SNED1: variants seen among roughly 807,000 people sequenced by gnomAD.
The protein encoded by SNED1 is sushi, nidogen and EGF-like domain-containing protein 1.
A neutral mutation model predicts 166.7 loss-of-function variants in SNED1; 81 were observed. That is an observed-to-expected ratio of 0.49 (90% CI 0.41 to 0.58). The LOEUF (loss-of-function observed/expected upper bound fraction) is 0.58, where lower values mean the gene tolerates loss of function less well. Among genes scored for constraint, SNED1 ranks in the 20% least tolerant of loss-of-function variants. The pLI, the probability that SNED1 is intolerant of heterozygous loss-of-function variation, is 0.00. For missense variants in SNED1, 1,604 were observed against 2,000.2 expected (o/e 0.80, Z 3.78); for synonymous variants, 762 against 822.0 (o/e 0.93, Z 1.25).
intron 28 of SNED1, among the ~76,000 whole-genome samples, chr2:241,082,022 C>T (rs979969980): frequency 1.3e-5 from 2 of 152,214 alleles, no homozygotes; most frequent in Admixed American, 6.5e-5. Flanking sequence ...CCACAGCATG[C>T]GAGGCACAGC....
In SNED1 at chr2:241,075,766, C is replaced by T. The variant is rs2062989894; in HGVS notation, c.3916+2402C>T. 6.6e-6 allele frequency: 1 copy of T among 152,082 alleles called. No individual in the cohort carries two copies. The highest frequency in any genetic ancestry group is 6.6e-5 in the Admixed American group (1 of 15,262). 9.4% of individuals were successfully genotyped at this position (152,082 alleles called of 1,614,324 possible). On this transcript the variant is annotated intron_variant, in intron 27 of 31. Transcript: ENST00000310397. This position sits in a 1 kb window ranked among gnomAD's most constrained non-coding sequence, Gnocchi z 4.8. The stretch of plus-strand genomic sequence containing the variant: ...GCCTTCTTTAAAAAATATCCTTCCC[C>T]ACACCAAAGTTAGAAAGTTATTCAT...
At chr2:241,048,264 C>G in intron 8 of SNED1, 51 bp from the exon 9 acceptor site, 1 of 1,529,366 alleles carries the variant, frequency 6.5e-7, no homozygotes, top group Non-Finnish European at 8.8e-7. Context: ...GGGGAGACCA[C>G]TCTCCCCACA....
chr2:241,038,215 C>T (rs2061430939), intron 6 of SNED1, among the ~76,000 whole-genome samples: 1 of 152,152 alleles, frequency 6.6e-6, no homozygotes, highest in African/African-American at 2.4e-5. Flanking sequence ...CAGTCGCTTA[C>T]AAAAACATGT....
chr2:241,055,634 C>T (rs1163217101), intron 16 of SNED1, among the ~76,000 whole-genome samples: 4 of 152,178 alleles, frequency 2.6e-5, no homozygotes, highest in African/African-American at 9.7e-5. Flanking sequence ...TTTCATCCTC[C>T]AGCCAAATTT....
intron 27 of SNED1, among the ~76,000 whole-genome samples, chr2:241,081,425 TCTTC>T (rs2063323966): frequency 6.6e-6 from 1 of 152,198 alleles, no homozygotes; most frequent in African/African-American, 2.4e-5. Context: ...TTTTTGTTTG[TCTTC>T]CTTCCTTCCA....
chr2:241,040,825 A>C (rs2061503199), intron 8 of SNED1: 1 of 473,388 alleles, frequency 2.1e-6, no homozygotes, highest in Non-Finnish European at 4.4e-6. Context: ...AGTAACGGGA[A>C]TCAGAAAGAA....
intron 16 of SNED1, among the ~76,000 whole-genome samples, chr2:241,057,411 A>G (rs866432730): frequency 4.0e-5 from 5 of 124,854 alleles, no homozygotes; most frequent in African/African-American, 1.7e-4. Flanking sequence ...ATATATATAT[A>G]TGCCATACGC....
chr2:241,014,071 C>G (rs1223842281), intron 1 of SNED1, among the ~76,000 whole-genome samples: 1 of 151,196 alleles, frequency 6.6e-6, no homozygotes, highest in Admixed American at 6.6e-5. Flanking sequence ...CGCAGTGGTG[C>G]GATCTCAGTT....
At chr2:241,085,141 T>C (rs1225607345) in intron 29 of SNED1, among the ~76,000 whole-genome samples, 2 of 152,218 alleles carry the variant, frequency 1.3e-5, no homozygotes, top group African/African-American at 2.4e-5. Context: ...CTTGTATTTC[T>C]GGGTTTTAAT....
chr2:241,032,907 C>T (rs1574935957), intron 2 of SNED1, among the ~76,000 whole-genome samples: 1 of 152,174 alleles, frequency 6.6e-6, no homozygotes, highest in Admixed American at 6.5e-5. Context: ...ATAATTTTAT[C>T]TGCTGTATGC....
intron 29 of SNED1, among the ~76,000 whole-genome samples, chr2:241,085,327 A>G (rs1034907198): frequency 4.6e-5 from 7 of 152,124 alleles, no homozygotes; most frequent in African/African-American, 1.4e-4. Flanking sequence ...TTCTATTGCT[A>G]TGCACTCAAG....
chr2:241,049,730 C>T, intron 11 of SNED1, 87 bp from the exon 12 acceptor site: 1 of 957,938 alleles, frequency 1.0e-6, no homozygotes, highest in Non-Finnish European at 1.6e-6. Context: ...TCAGGGTAAC[C>T]CTGGCAGGCA....
In SNED1 at chr2:241,068,759, T is replaced by C. The variant is rs1446155674; in HGVS notation, c.3195-152T>C. ...TAGGAGCACACGGCTCTGAGGGCCA[T>C]GAGTCTGCCCCTCGTGGAGGTTGCC... On this transcript the variant is annotated intron_variant, in intron 22 of 31. Coordinates refer to ENST00000310397, the MANE Select transcript of SNED1 (RefSeq NM_001080437.3). The surrounding 1 kb of genome is among the most constrained non-coding windows in gnomAD (Gnocchi z 5.3). Among the ~76,000 whole-genome samples, 1 of 152,110 alleles carries C rather than the reference T, an allele frequency of 6.6e-6. No homozygotes were observed. The highest frequency in any genetic ancestry group is 1.5e-5 in the Non-Finnish European group (1 of 67,998).
chr2:241,087,760 A>C lies in SNED1; in HGVS notation c.4205+285A>C, dbSNP rs2063660079. The C allele has an allele frequency of 3.3e-6, 4 of 1,197,440 alleles. No homozygotes were observed. In the African/African-American group the frequency reaches 6.2e-5, roughly 19 times the overall value. 74.2% of individuals were successfully genotyped at this position (1,197,440 alleles called of 1,614,324 possible). A position where few individuals can be genotyped will look rare whatever the true frequency, so the allele number is the denominator to read the frequency against. ...ACATGGTGCTACAATTGGGAAGCAC[A>C]GGGTGTTACGGACAGCCCCGAGTAT... is the stretch of plus-strand genomic sequence containing the variant. On this transcript the variant is annotated intron_variant, in intron 30 of 31. Coordinates refer to ENST00000310397, the MANE Select transcript of SNED1 (RefSeq NM_001080437.3).
rs536155955 is a variant in SNED1 at position 241,095,069 on chromosome 2, C to CA, written c.*3433_*3434insA. On this transcript the variant is annotated 3_prime_UTR_variant, in exon 32 of 32. Coordinates refer to ENST00000310397, the MANE Select transcript of SNED1 (RefSeq NM_001080437.3). ...TTCCCTAAGGTGACACGCCCCCCCCCCCCCCCACACCCACCTTGGGGGGTC... is the reference window on the plus strand; with the variant it reads ...TTCCCTAAGGTGACACGCCCCCCCCCACCCCCCACACCCACCTTGGGGGGTC... 1 of 143,590 alleles carries CA rather than the reference C, an allele frequency of 7.0e-6. No individual in the cohort carries two copies. The highest frequency in any genetic ancestry group is 2.5e-4 in the South Asian group (1 of 3,952). 8.9% of individuals were successfully genotyped at this position (143,590 alleles called of 1,614,324 possible).
chr2:241,063,419 G>T, intron 17 of SNED1, 168 bp from the exon 18 acceptor site: 1 of 632,626 alleles, frequency 1.6e-6, no homozygotes, highest in Admixed American at 2.3e-5. Flanking sequence ...CACGCCTCCC[G>T]AGGAGGGGTG....
rs765441686 is a variant in SNED1, at chr2:241,048,287, C to T, written c.1274-28C>T. 4.5e-6 allele frequency: 7 copies of T among 1,571,390 alleles called. No homozygotes were observed. In the South Asian group the frequency reaches 8.5e-5, roughly 19 times the overall value. The stretch of plus-strand genomic sequence containing the variant: ...CACTCTCCCCACATTCCCTGCGTGG[C>T]CGCTGGTGACTGCCGTCTTTCTTGC... On this transcript the variant is annotated intron_variant, in intron 8 of 31. Coordinates refer to ENST00000310397, the MANE Select transcript of SNED1 (RefSeq NM_001080437.3).
In SNED1 at chr2:241,069,063, T is replaced by A. The variant is rs758069414; in HGVS notation, c.3307+40T>A. ...GCGGCCCCCGGCACACGAAAGGCCG[T>A]CTTCTAGAAGCTCTGGCTTCCTTCC... On this transcript the variant is annotated intron_variant, in intron 23 of 31. Coordinates refer to ENST00000310397, the MANE Select transcript of SNED1 (RefSeq NM_001080437.3). The surrounding 1 kb of genome is among the most constrained non-coding windows in gnomAD (Gnocchi z 4.9). The A allele has an allele frequency of 7.2e-7, 1 of 1,388,598 alleles. No homozygotes were observed. Among genetic ancestry groups the A allele is most frequent in the Non-Finnish European group, 9.9e-7 (1 of 1,009,618 alleles). 86.0% of individuals were successfully genotyped at this position (1,388,598 alleles called of 1,614,324 possible).
chr2:241,027,449 TTCATCCTCAGTGGACAC>T (rs1283786438), intron 1 of SNED1, among the ~76,000 whole-genome samples: 2 of 152,202 alleles, frequency 1.3e-5, no homozygotes, highest in Non-Finnish European at 2.9e-5. Flanking sequence ...TGTTTACCCA[TTCATCCTCAGTGGACAC>T]TCAGGTTCCT....
Sources: allele counts gnomAD v4.1 joint callset (sites outside exome capture counted in the v4.1 genomes callset), GRCh38; gene constraint gnomAD v4.1.1; non-coding constraint Gnocchi (gnomAD v3.1); transcripts MANE v1.5; gene names NCBI Gene and HGNC (gene_info 2026-07-23, HGNC 2026-07-21).